ARID4B: variants seen among roughly 807,000 people sequenced by gnomAD.
ARID4B encodes the protein AT-rich interaction domain 4B.
Under a neutral mutation model 147.5 loss-of-function variants are expected in ARID4B, and 26 were observed. The ratio of observed to expected loss-of-function variants is 0.18; its 90% CI spans 0.13 to 0.24. The LOEUF is 0.24. Ranked by LOEUF, ARID4B falls within the 10% of genes least tolerant of loss-of-function variation. The pLI, the probability that ARID4B is intolerant of heterozygous loss-of-function variation, is 1.00. For missense variants in ARID4B, 1,179 were observed against 1,511.5 expected (o/e 0.78, Z 3.65); for synonymous variants, 512 against 507.9 (o/e 1.01, Z -0.11).
intron 1 of ARID4B, 74 bp from the exon 2 acceptor site, chr1:235,327,042 A>G: frequency 9.4e-7 from 1 of 1,066,276 alleles, no homozygotes; most frequent in Non-Finnish European, 1.4e-6. Flanking sequence ...GAGGGAAAGA[A>G]GCGAGCGACG....
At chr1:235,313,418 A>G (rs10925413) in intron 2 of ARID4B, among the ~76,000 whole-genome samples, 6,016 of 152,084 alleles carry the variant, frequency 0.04, 454 homozygotes, top group African/African-American at 0.14. Flanking sequence ...CTCCGTGTTC[A>G]GGCTTGTTCA....
chr1:235,181,381 A>G lies in ARID4B; in HGVS notation c.3334+204T>C, dbSNP rs902431967. ...ACAATAAAATGCCATGGATGGCTCA[A>G]GCAAAGCACATTAAAGCCTTCTCAA... On this transcript the variant is annotated intron_variant, in intron 20 of 23. Coordinates refer to ENST00000264183, the MANE Select transcript of ARID4B (RefSeq NM_016374.6). 5.2e-6 allele frequency: 4 copies of G among 770,812 alleles called. No homozygotes were observed. The African/African-American group carries it at 7.0e-5, about 14-fold the overall frequency. The allele number at this position is 770,812 out of a possible 1,614,324, so 47.7% of individuals were successfully genotyped here. A position where few individuals can be genotyped will look rare whatever the true frequency, so the allele number is the denominator to read the frequency against.
At chr1:235,311,268 G>T (rs534340185) in intron 2 of ARID4B, among the ~76,000 whole-genome samples, 9 of 151,620 alleles carry the variant, frequency 5.9e-5, no homozygotes, top group African/African-American at 2.2e-4. Flanking sequence ...TGGGAGGATC[G>T]CTTGAGCCCA....
intron 7 of ARID4B, among the ~76,000 whole-genome samples, chr1:235,243,148 CTAAA>C (rs1212105424): frequency 6.6e-6 from 1 of 151,850 alleles, no homozygotes; most frequent in Non-Finnish European, 1.5e-5. Context: ...AGTATAGATG[CTAAA>C]TAAATACTTG....
intron 2 of ARID4B, among the ~76,000 whole-genome samples, chr1:235,322,143 C>T (rs1337574762): frequency 6.6e-6 from 1 of 152,092 alleles, no homozygotes; most frequent in Non-Finnish European, 1.5e-5. Flanking sequence ...ATTCTTCTGC[C>T]TCAGCCTCCC....
At chr1:235,192,857 G>A (rs1450784547) in intron 19 of ARID4B, among the ~76,000 whole-genome samples, 1 of 152,154 alleles carries the variant, frequency 6.6e-6, no homozygotes, top group Non-Finnish European at 1.5e-5. Context: ...TGTAATCCCA[G>A]CACTTTGGGA....
chr1:235,223,299 C>G, intron 12 of ARID4B, 39 bp from the exon 13 acceptor site: 1 of 1,084,960 alleles, frequency 9.2e-7, no homozygotes, highest in Non-Finnish European at 1.3e-6. Flanking sequence ...ATCCACACTA[C>G]ATTTTTAATT....
At chr1:235,281,532 C>G (rs977599513) in intron 2 of ARID4B, among the ~76,000 whole-genome samples, 1 of 152,128 alleles carries the variant, frequency 6.6e-6, no homozygotes, top group Non-Finnish European at 1.5e-5. Context: ...GCCTGGGCAA[C>G]AGAGCGACAT....
At chr1:235,202,900 C>T (rs1001541384) in intron 17 of ARID4B, among the ~76,000 whole-genome samples, 3 of 152,042 alleles carry the variant, frequency 2.0e-5, no homozygotes, top group Non-Finnish European at 2.9e-5. Flanking sequence ...CACATGTGGA[C>T]GTATTCATTT....
Position 235,167,810 on chromosome 1 carries a change from C to T in ARID4B, c.*715G>A. 1 of 193,540 alleles carries T rather than the reference C, an allele frequency of 5.2e-6. No individual in the cohort carries two copies. The highest frequency in any genetic ancestry group is 1.1e-5 in the Non-Finnish European group (1 of 92,646). 12.0% of individuals were successfully genotyped at this position (193,540 alleles called of 1,614,324 possible). ...TTATTAGCCATTTTCTTTTTTCACA[C>T]AATGTATATCAAAATTAAAAAAAAA... On this transcript the variant is annotated 3_prime_UTR_variant, in exon 24 of 24. Transcript: ENST00000264183.
chr1:235,275,012 T>C (rs918824955), intron 2 of ARID4B, among the ~76,000 whole-genome samples: 7 of 151,946 alleles, frequency 4.6e-5, no homozygotes, highest in Non-Finnish European at 1.0e-4. Flanking sequence ...TGTGTGTGTG[T>C]GTGTGTGTGT....
At chr1:235,291,985 G>A (rs1270123162) in intron 2 of ARID4B, among the ~76,000 whole-genome samples, 1 of 152,096 alleles carries the variant, frequency 6.6e-6, no homozygotes, top group African/African-American at 2.4e-5. Flanking sequence ...AACAATTGGA[G>A]GTAAAAGGTA....
In ARID4B at chr1:235,229,305, T is replaced by C. The variant is rs1668053162; in HGVS notation, c.823A>G (p.Ser275Gly). The stretch of plus-strand genomic sequence containing the variant: ...TCCTCTTCTTCCTCTGCTTCACTGC[T>C]AGAGCTATCTTCTTTCAATTCAGTC... ...WKTELKEDSS[S>G]SEAEEEEEEE... Residue 275 changes from serine to glycine, a missense_variant, in exon 11 of 24, where the codon AGC becomes GGC. Around this residue, in one of 10 missense-constraint regions of ARID4B, gnomAD observed 159 missense variants for 190.5 expected, o/e 0.83. Coordinates refer to ENST00000264183, the MANE Select transcript of ARID4B (RefSeq NM_016374.6). The C allele has an allele frequency of 6.2e-7, 1 of 1,613,746 alleles. No homozygotes were observed. Among genetic ancestry groups the C allele is most frequent in the Non-Finnish European group, 8.5e-7 (1 of 1,179,828 alleles).
chr1:235,274,151 T>C (rs946536997), intron 2 of ARID4B, among the ~76,000 whole-genome samples: 1 of 151,738 alleles, frequency 6.6e-6, no homozygotes, highest in African/African-American at 2.4e-5. Context: ...GGCAGGTGGA[T>C]CACCTGAGCT....
intron 2 of ARID4B, among the ~76,000 whole-genome samples, chr1:235,290,668 C>A (rs1672280704): frequency 6.6e-6 from 1 of 152,148 alleles, no homozygotes. Context: ...ACTGCAAAAA[C>A]AATTGAGGAA....
intron 2 of ARID4B, among the ~76,000 whole-genome samples, chr1:235,262,232 C>T (rs56363212): frequency 6.6e-6 from 1 of 151,774 alleles, no homozygotes; most frequent in African/African-American, 2.4e-5. Flanking sequence ...ATCTATTTCC[C>T]AAAGAAAAAG....
chr1:235,252,654 T>G (rs1023650781), intron 6 of ARID4B, 76 bp downstream of exon 6: 13 of 1,252,868 alleles, frequency 1.0e-5, no homozygotes, highest in Non-Finnish European at 1.5e-5. Context: ...GTAGGTTTAC[T>G]GAGTTGAGAA....
intron 6 of ARID4B, among the ~76,000 whole-genome samples, chr1:235,247,523 G>A (rs1558243409): frequency 6.6e-6 from 1 of 152,010 alleles, no homozygotes; most frequent in Non-Finnish European, 1.5e-5. Flanking sequence ...CGAACAGTAT[G>A]ATCAAGAAAA....
In ARID4B at chr1:235,320,509, T is replaced by C. The variant is rs1053835340; in HGVS notation, c.6+6405A>G. On this transcript the variant is annotated intron_variant, in intron 2 of 23. Coordinates refer to ENST00000264183, the MANE Select transcript of ARID4B (RefSeq NM_016374.6). ...ACTGATCTCCCTACTTCCACTCTTG[T>C]GTTCCCATGATCTGTTCGAACCCAT... is the stretch of plus-strand genomic sequence containing the variant. 2.2e-4 allele frequency among the ~76,000 whole-genome samples: 34 copies of C among 152,212 alleles called. 1 individual carries two copies. Among genetic ancestry groups the C allele is most frequent in the Non-Finnish European group, 7.3e-5 (5 of 68,034 alleles).
Sources: gnomAD v4.1 joint callset for allele counts (sites outside exome capture counted in the v4.1 genomes callset) on GRCh38, gnomAD v4.1.1 for gene constraint, gnomAD v4.1.1 regional missense constraint, MANE v1.5 for transcripts, NCBI Gene and HGNC (gene_info 2026-07-23, HGNC 2026-07-21) for gene names.